Variants in GRIK2 observed in about 807,000 individuals in gnomAD.
GRIK2 encodes glutamate receptor ionotropic, kainate 2.
GRIK2 carries 32 observed loss-of-function variants against 100.3 expected under a neutral mutation model. That is an observed-to-expected ratio of 0.32 (90% confidence interval 0.24 to 0.43). The LOEUF (loss-of-function observed/expected upper bound fraction) is 0.43, where lower values mean the gene tolerates loss of function less well. Ranked by LOEUF, GRIK2 falls within the 20% of genes least tolerant of loss-of-function variation. GRIK2 has a pLI of 1.00. For missense variants in GRIK2, 843 were observed against 1,114.9 expected (o/e 0.76, Z 3.47); for synonymous variants, 417 against 389.4 (o/e 1.07, Z -0.83).
chr6:101,515,472 G>A (rs1209597561), intron 2 of GRIK2, among the ~76,000 whole-genome samples: 1 of 152,138 alleles, frequency 6.6e-6, no homozygotes, highest in East Asian at 1.9e-4. Flanking sequence ...TCTACTTTTA[G>A]TTCTTTAAGG....
At chr6:101,637,610 G>A (rs750051254) in intron 4 of GRIK2, among the ~76,000 whole-genome samples, 11 of 152,262 alleles carry the variant, frequency 7.2e-5, no homozygotes, top group African/African-American at 4.8e-5. Context: ...TCTACCTGAC[G>A]TAGAGAAAAG....
At chr6:101,788,119 C>G (rs1779561803) in intron 7 of GRIK2, among the ~76,000 whole-genome samples, 1 of 151,904 alleles carries the variant, frequency 6.6e-6, no homozygotes, top group Non-Finnish European at 1.5e-5. Context: ...TATTCCAGCT[C>G]ACTTTTGGCT....
intron 2 of GRIK2, among the ~76,000 whole-genome samples, chr6:101,560,232 T>A (rs552192014): frequency 6.6e-6 from 1 of 152,254 alleles, no homozygotes; most frequent in South Asian, 2.1e-4. Flanking sequence ...ATTCTAAGTT[T>A]ATTTTCCTTT....
At chr6:101,735,208 A>G (rs1443217633) in intron 7 of GRIK2, among the ~76,000 whole-genome samples, 1 of 152,208 alleles carries the variant, frequency 6.6e-6, no homozygotes, top group Non-Finnish European at 1.5e-5. Context: ...TTTCCTAGGT[A>G]GAGAATGTAA....
intron 12 of GRIK2, among the ~76,000 whole-genome samples, chr6:101,893,533 A>T (rs999106433): frequency 6.6e-6 from 1 of 151,660 alleles, no homozygotes; most frequent in African/African-American, 2.4e-5. Flanking sequence ...TGTTTTGGTC[A>T]TTATCTGATG....
chr6:101,725,954 T>C (rs565530796), intron 7 of GRIK2, among the ~76,000 whole-genome samples: 3 of 152,070 alleles, frequency 2.0e-5, no homozygotes, highest in Admixed American at 2.0e-4. Flanking sequence ...AAAGTTTTCA[T>C]TGAGATTAGT....
Position 102,021,568 on chromosome 6 carries a change from C to T in GRIK2, c.2086-13773C>T, listed in dbSNP as rs1004307769. Among the ~76,000 whole-genome samples the T allele has an allele frequency of 2.2e-4, 33 of 151,378 alleles. 2 individuals carry two copies. Among genetic ancestry groups the T allele is most frequent in the South Asian group, 8.3e-4 (4 of 4,816 alleles). On this transcript the variant is annotated intron_variant, in intron 14 of 16. Transcript: ENST00000369134. ...TAATATTTGAAGTAAAATATTAAAA[C>T]CCATTAATAATAATAGAGGTAATGT...
intron 12 of GRIK2, among the ~76,000 whole-genome samples, chr6:101,905,500 A>T (rs1043242912): frequency 6.6e-6 from 1 of 151,448 alleles, no homozygotes; most frequent in Admixed American, 6.6e-5. Context: ...TAGTAAAGTT[A>T]TATTATTTAT....
At chr6:101,675,306 C>CCACACACACACACCACACA (rs1554243017) in intron 4 of GRIK2, among the ~76,000 whole-genome samples, 8 of 149,206 alleles carry the variant, frequency 5.4e-5, no homozygotes, top group Admixed American at 5.3e-4. Context: ...CACACACACA[C>CCACACACACACACCACACA]CACACACACA....
At chr6:101,862,204 G>A (rs180679559) in intron 11 of GRIK2, among the ~76,000 whole-genome samples, 1 of 152,134 alleles carries the variant, frequency 6.6e-6, no homozygotes, top group East Asian at 1.9e-4. Flanking sequence ...GTTCTCCTAG[G>A]CAGGTAAATT....
At chr6:101,916,094 A>G (rs1265710062) in intron 12 of GRIK2, among the ~76,000 whole-genome samples, 2 of 151,480 alleles carry the variant, frequency 1.3e-5, no homozygotes, top group African/African-American at 2.4e-5. Context: ...TACAAACATA[A>G]TACTGTAAAG....
intron 15 of GRIK2, among the ~76,000 whole-genome samples, chr6:102,047,615 G>A (rs1770962933): frequency 1.3e-5 from 2 of 151,918 alleles, no homozygotes; most frequent in South Asian, 4.1e-4. Context: ...TGGGCATGGT[G>A]GTGTGAGCCT....
intron 12 of GRIK2, among the ~76,000 whole-genome samples, chr6:101,899,674 G>A (rs1017951384): frequency 3.2e-4 from 48 of 152,112 alleles, no homozygotes; most frequent in African/African-American, 1.0e-3. Flanking sequence ...TGAGATGAAC[G>A]CATTTGCAGT....
chr6:101,495,271 C>T (rs9386280), intron 2 of GRIK2, among the ~76,000 whole-genome samples: 35,478 of 151,514 alleles, frequency 0.23, 5,025 homozygotes, highest in East Asian at 0.48. Context: ...TTTGGGAGGC[C>T]GAGGCGGGTG....
intron 15 of GRIK2, among the ~76,000 whole-genome samples, chr6:102,051,179 T>C (rs1000111695): frequency 6.6e-5 from 10 of 152,138 alleles, no homozygotes; most frequent in African/African-American, 2.4e-4. Flanking sequence ...CATCAGGTCT[T>C]ATACATCTGA....
chr6:101,828,701 C>A lies in GRIK2; in HGVS notation c.1317+10218C>A, dbSNP rs983168703. On this transcript the variant is annotated intron_variant, in intron 10 of 16. Coordinates refer to ENST00000369134, the MANE Select transcript of GRIK2 (RefSeq NM_021956.5). ...TGAATAAATATCTAGAAACACACAACCTTCCAAGATTGAACCAGGACAAAA... is the reference window on the plus strand; with the variant it reads ...TGAATAAATATCTAGAAACACACAAACTTCCAAGATTGAACCAGGACAAAA... Among the ~76,000 whole-genome samples, 3 of 151,952 alleles carry A rather than the reference C, an allele frequency of 2.0e-5. No individual in the cohort carries two copies. The South Asian group carries it at 6.2e-4, about 31-fold the overall frequency.
At chr6:101,712,521 T>A (rs149510090) in intron 7 of GRIK2, among the ~76,000 whole-genome samples, 8 of 152,030 alleles carry the variant, frequency 5.3e-5, no homozygotes, top group African/African-American at 1.9e-4. Context: ...TATACATGTA[T>A]GAGTCTGAGA....
rs913058932 is a variant in GRIK2, at chr6:101,547,144, T to C, written c.116-74805T>C. On this transcript the variant is annotated intron_variant, in intron 2 of 16. Coordinates refer to ENST00000369134, the MANE Select transcript of GRIK2 (RefSeq NM_021956.5). ...CCGCGCCCGGCCGTTTTTGTTTCTTTAGCTCATGCCTCATTCTGATATAAA... is the reference window on the plus strand; with the variant it reads ...CCGCGCCCGGCCGTTTTTGTTTCTTCAGCTCATGCCTCATTCTGATATAAA... Among the ~76,000 whole-genome samples the C allele has an allele frequency of 2.6e-5, 4 of 152,178 alleles. No homozygotes were observed. The South Asian group carries it at 8.3e-4, about 31-fold the overall frequency.
At chr6:101,788,734 G>A (rs1330276108) in intron 7 of GRIK2, among the ~76,000 whole-genome samples, 3 of 152,142 alleles carry the variant, frequency 2.0e-5, no homozygotes, top group Non-Finnish European at 4.4e-5. Flanking sequence ...CCAGTAATGG[G>A]ATGGCTGGGT....
Sources: gnomAD v4.1 joint callset for allele counts (sites outside exome capture counted in the v4.1 genomes callset) on GRCh38, gnomAD v4.1.1 for gene constraint, MANE v1.5 for transcripts, NCBI Gene and HGNC (gene_info 2026-07-23, HGNC 2026-07-21) for gene names.